Variants in C13orf42 observed in about 807,000 individuals in gnomAD.
C13orf42 encodes uncharacterized protein C13orf42.
intron 2 of C13orf42, among the ~76,000 whole-genome samples, chr13:51,086,847 G>A (rs780795620): frequency 2.0e-5 from 3 of 152,126 alleles, no homozygotes; most frequent in Admixed American, 6.5e-5. Flanking sequence ...GAGGGGCTGC[G>A]TGGGAGAGGA....
chr13:51,085,894 C>G (rs866696305), intron 2 of C13orf42, among the ~76,000 whole-genome samples: 30 of 152,206 alleles, frequency 2.0e-4, no homozygotes, highest in Middle Eastern at 6.8e-3. Context: ...ATTAAAAATA[C>G]AAAAATTAGC....
intron 1 of C13orf42, among the ~76,000 whole-genome samples, chr13:51,117,889 T>TC (rs1264499694): frequency 2.0e-5 from 3 of 152,176 alleles, no homozygotes; most frequent in African/African-American, 7.2e-5. Flanking sequence ...ATGTCATTGC[T>TC]CCCTCACTCC....
At chr13:51,116,272 C>CT (rs1953491268), upstream of C13orf42, among the ~76,000 whole-genome samples, 4 of 152,158 alleles carry the variant, frequency 2.6e-5, no homozygotes, top group South Asian at 8.3e-4. Flanking sequence ...GGTAGGGTAA[C>CT]CCAGCTAAGC....
intron 1 of C13orf42, among the ~76,000 whole-genome samples, chr13:51,122,701 C>T (rs1392938373): frequency 6.6e-6 from 1 of 152,168 alleles, no homozygotes; most frequent in African/African-American, 2.4e-5. Flanking sequence ...ACTGATAGAT[C>T]AAGCTAGAGC....
At chr13:51,131,145 T>A in intron 1 of C13orf42, among the ~76,000 whole-genome samples, 1 of 152,234 alleles carries the variant, frequency 6.6e-6, no homozygotes, top group Non-Finnish European at 1.5e-5. Flanking sequence ...CAAGGAAACT[T>A]AAGCTATTTA....
At chr13:51,109,365 A>C (rs1953400159) in intron 1 of C13orf42, among the ~76,000 whole-genome samples, 1 of 152,208 alleles carries the variant, frequency 6.6e-6, no homozygotes, top group South Asian at 2.1e-4. Flanking sequence ...AGCGGGAGAC[A>C]GGCCTGCTTC....
intron 1 of C13orf42, among the ~76,000 whole-genome samples, chr13:51,155,044 T>A (rs183363103): frequency 1.8e-3 from 275 of 152,344 alleles, no homozygotes; most frequent in Non-Finnish European, 3.1e-3. Context: ...TGTTTAGAAA[T>A]ATATATCTAA....
intron 1 of C13orf42, among the ~76,000 whole-genome samples, chr13:51,124,739 C>T (rs1953562404): frequency 6.6e-6 from 1 of 152,180 alleles, no homozygotes; most frequent in South Asian, 2.1e-4. Flanking sequence ...AAAATTTTCG[C>T]AGCAGTTTCC....
intron 1 of C13orf42, among the ~76,000 whole-genome samples, chr13:51,171,513 A>G (rs917962901): frequency 6.6e-6 from 1 of 151,990 alleles, no homozygotes; most frequent in Admixed American, 6.6e-5. Context: ...CCTTTTCTAC[A>G]GACCCATCTG....
At position 51,166,385 on chromosome 13, in the gene C13orf42, T is replaced by C. The variant is rs554262079; in HGVS notation, n.136+5868A>G. Among the ~76,000 whole-genome samples the C allele has an allele frequency of 3.1e-3, 422 of 137,364 alleles. 1 individual carries two copies. Among genetic ancestry groups the C allele is most frequent in the African/African-American group, 0.011 (412 of 36,342 alleles). The allele number at this position is 137,364 out of a possible 152,430, so 90.1% of individuals were successfully genotyped here. A position where few individuals can be genotyped will look rare whatever the true frequency, so the allele number is the denominator to read the frequency against. On this transcript the variant is annotated intron_variant and non_coding_transcript_variant, in intron 1 of 4. Coordinates refer to the C13orf42 transcript ENST00000433280. ...GCATATTCTCACTCATAGGTGGGAA[T>C]TGAACAATGAGATCACATGGACACA... is the stretch of plus-strand genomic sequence containing the variant.
rs1953083085 is a variant in C13orf42, at chr13:51,083,166, T to C, written c.*985A>G. ...TGCCAAAAAAAGAAGTGAGAATAGA[T>C]AAATTTCAGTATATTCTCCAAACCA... On this transcript the variant is annotated 3_prime_UTR_variant, in exon 4 of 4. Coordinates refer to ENST00000563710, the MANE Select transcript of C13orf42 (RefSeq NM_001351589.3). The C allele has an allele frequency of 6.6e-6, 1 of 152,222 alleles. No homozygotes were observed. Among genetic ancestry groups the C allele is most frequent in the South Asian group, 2.1e-4 (1 of 4,832 alleles). 9.4% of individuals were successfully genotyped at this position (152,222 alleles called of 1,614,324 possible).
intron 1 of C13orf42, among the ~76,000 whole-genome samples, chr13:51,163,181 A>T (rs751871756): frequency 4.1e-4 from 62 of 152,216 alleles, no homozygotes; most frequent in Non-Finnish European, 1.3e-4. Context: ...GGTAAGCAGC[A>T]TGCAGAACCT....
chr13:51,105,229 T>TG (rs1953339934), intron 1 of C13orf42, among the ~76,000 whole-genome samples: 1 of 152,192 alleles, frequency 6.6e-6, no homozygotes, highest in Non-Finnish European at 1.5e-5. Flanking sequence ...CCATAGTCTC[T>TG]CACTAAGATG....
At chr13:51,118,050 C>A (rs1308082903) in intron 1 of C13orf42, among the ~76,000 whole-genome samples, 3 of 152,106 alleles carry the variant, frequency 2.0e-5, no homozygotes, top group African/African-American at 7.2e-5. Context: ...CACAAGGTAC[C>A]CAGAGCTGCA....
intron 1 of C13orf42, among the ~76,000 whole-genome samples, chr13:51,088,450 A>G (rs193222492): frequency 6.6e-5 from 10 of 152,232 alleles, no homozygotes; most frequent in African/African-American, 2.4e-4. Context: ...TCACCACAGG[A>G]AAGAGATGAT....
chr13:51,101,755 A>C (rs543362954), intron 1 of C13orf42, among the ~76,000 whole-genome samples: 108 of 152,356 alleles, frequency 7.1e-4, no homozygotes, highest in South Asian at 6.2e-3. Context: ...AGACAATTAC[A>C]GTGTGCTGAG....
chr13:51,141,455 G>C (rs1953695534), intron 1 of C13orf42, among the ~76,000 whole-genome samples: 1 of 152,174 alleles, frequency 6.6e-6, no homozygotes, highest in South Asian at 2.1e-4. Flanking sequence ...GTTGGGTACA[G>C]AATGTTTCAT....
At chr13:51,085,910 G>A (rs145863755) in intron 2 of C13orf42, among the ~76,000 whole-genome samples, 3,043 of 152,184 alleles carry the variant, frequency 0.02, 49 homozygotes, top group East Asian at 0.037. Flanking sequence ...TTAGCCGGGC[G>A]TAGTGGCAGG....
chr13:51,141,011 T>C (rs1476500705), intron 1 of C13orf42, among the ~76,000 whole-genome samples: 1 of 151,452 alleles, frequency 6.6e-6, no homozygotes, highest in Non-Finnish European at 1.5e-5. Flanking sequence ...AATATGGTAA[T>C]AAGATTAAAA....
Sources: gnomAD v4.1 joint callset for allele counts (sites outside exome capture counted in the v4.1 genomes callset) on GRCh38, gnomAD v4.1.1 for gene constraint, MANE v1.5 for transcripts, NCBI Gene and HGNC (gene_info 2026-07-23, HGNC 2026-07-21) for gene names.